RBBP8: variants seen among roughly 807,000 people sequenced by gnomAD.
RBBP8 encodes RB binding protein 8, endonuclease.
A neutral mutation model predicts 108.3 loss-of-function variants in RBBP8; 88 were observed. That is an observed-to-expected ratio of 0.81 (90% CI 0.68 to 0.97). The LOEUF is 0.97. Among genes scored for constraint, RBBP8 ranks in the 50% least tolerant of loss-of-function variants. The pLI is 0.00. For synonymous variants in RBBP8, 332 were observed against 348.2 expected, an observed-to-expected ratio of 0.95 and a Z score of 0.52; for missense variants, 1,023 against 1,049.0, an observed-to-expected ratio of 0.98 and a Z score of 0.34.
chr18:22,928,666 C>A (rs1316711021), upstream of RBBP8, among the ~76,000 whole-genome samples: 1 of 148,624 alleles, frequency 6.7e-6, no homozygotes, highest in Non-Finnish European at 1.5e-5. Flanking sequence ...TAGGCAATAG[C>A]CTTTTTTTCT....
intron 14 of RBBP8, 43 bp downstream of exon 14, chr18:22,997,777 T>G (rs2045886049): frequency 7.4e-7 from 1 of 1,350,110 alleles, no homozygotes; most frequent in Non-Finnish European, 1.0e-6. Context: ...AATAACGTTG[T>G]GTGAAGTTTG....
At chr18:22,914,456 G>A (rs954661721) in intron 1 of RBBP8, 8 of 151,990 alleles carry the variant, frequency 5.3e-5, no homozygotes, top group East Asian at 3.8e-4. Flanking sequence ...TAACACTTGC[G>A]TTATGTTCAT....
intron 12 of RBBP8, among the ~76,000 whole-genome samples, chr18:22,994,178 C>T (rs1023655676): frequency 1.0e-4 from 15 of 148,716 alleles, no homozygotes; most frequent in African/African-American, 3.2e-4. Context: ...CCACCATGCC[C>T]GGCTAATTTT....
At chr18:22,954,930 A>C (rs1912380107) in intron 4 of RBBP8, among the ~76,000 whole-genome samples, 3 of 152,088 alleles carry the variant, frequency 2.0e-5, no homozygotes, top group Admixed American at 2.0e-4. Context: ...TGATTCAGTT[A>C]CCTCCTACCA....
intron 2 of RBBP8, among the ~76,000 whole-genome samples, chr18:22,945,673 C>T (rs1416242154): frequency 2.0e-5 from 3 of 152,080 alleles, no homozygotes; most frequent in East Asian, 1.9e-4. Context: ...CATGAATCAC[C>T]GTGCCCAGCC....
chr18:22,918,007 A>AC (rs1040937906), intron 3 of RBBP8, among the ~76,000 whole-genome samples: 1 of 151,920 alleles, frequency 6.6e-6, no homozygotes, highest in Non-Finnish European at 1.5e-5. Flanking sequence ...CAAAAAAAAA[A>AC]AAAAAAACAT....
chr18:22,973,088 T>C (rs2144613982), intron 5 of RBBP8, among the ~76,000 whole-genome samples: 1 of 152,338 alleles, frequency 6.6e-6, no homozygotes, highest in Non-Finnish European at 1.5e-5. Flanking sequence ...CTTTTAGAGA[T>C]CTATCCTCAT....
chr18:23,000,754 A>G (rs1237675433), intron 14 of RBBP8, among the ~76,000 whole-genome samples: 2 of 152,050 alleles, frequency 1.3e-5, no homozygotes, highest in Non-Finnish European at 2.9e-5. Context: ...AAAAAAAAAA[A>G]AGCATGAGTA....
intron 4 of RBBP8, among the ~76,000 whole-genome samples, chr18:22,967,556 C>T (rs530375081): frequency 6.6e-6 from 1 of 151,994 alleles, no homozygotes; most frequent in African/African-American, 2.4e-5. Flanking sequence ...CTATTATTAA[C>T]ATTTTGGAAT....
At chr18:22,955,830 T>C (rs1273653708) in intron 4 of RBBP8, among the ~76,000 whole-genome samples, 1 of 152,194 alleles carries the variant, frequency 6.6e-6, no homozygotes, top group Non-Finnish European at 1.5e-5. Context: ...TCTGCCCACC[T>C]GGGCCTCCCA....
chr18:22,989,356 T>G (rs749926963), intron 9 of RBBP8, 38 bp downstream of exon 9: 1 of 1,389,916 alleles, frequency 7.2e-7, no homozygotes, highest in Admixed American at 1.7e-5. Flanking sequence ...CATGAATTAA[T>G]TTTATGTCTT....
chr18:22,992,169 G>T, intron 10 of RBBP8, among the ~76,000 whole-genome samples: 1 of 152,030 alleles, frequency 6.6e-6, no homozygotes, highest in East Asian at 1.9e-4. Context: ...ATCAAATGTC[G>T]TAACAAAAGA....
intron 17 of RBBP8, among the ~76,000 whole-genome samples, chr18:23,020,317 A>C (rs1598752224): frequency 6.6e-6 from 1 of 152,084 alleles, no homozygotes; most frequent in East Asian, 2.0e-4. Flanking sequence ...GCTACTCTGG[A>C]GGCTGAGGCA....
At chr18:22,970,938 C>T (rs143739446) in intron 5 of RBBP8, among the ~76,000 whole-genome samples, 20 of 152,156 alleles carry the variant, frequency 1.3e-4, no homozygotes, top group Middle Eastern at 6.8e-3. Flanking sequence ...AATACACACA[C>T]GTAAATTTGC....
At chr18:23,015,900 T>G (rs1239155122) in intron 16 of RBBP8, among the ~76,000 whole-genome samples, 1 of 152,008 alleles carries the variant, frequency 6.6e-6, no homozygotes, top group African/African-American at 2.4e-5. Flanking sequence ...CGCCAGCTTG[T>G]TTTTGTTTTT....
chr18:23,007,974 G>T (rs2046087570), intron 16 of RBBP8, among the ~76,000 whole-genome samples: 2 of 151,676 alleles, frequency 1.3e-5, no homozygotes, highest in Admixed American at 6.6e-5. Flanking sequence ...CACAACACCT[G>T]GCTAATTTTT....
chr18:22,967,097 CG>C, intron 4 of RBBP8, among the ~76,000 whole-genome samples: 1 of 152,068 alleles, frequency 6.6e-6, no homozygotes, highest in Non-Finnish European at 1.5e-5. Flanking sequence ...CCAGGTGCAG[CG>C]GCTCACGCCT....
At chr18:22,933,638 G>A (rs1349421050) in intron 1 of RBBP8, 74 bp downstream of exon 1, 1 of 152,868 alleles carries the variant, frequency 6.5e-6, no homozygotes, top group Non-Finnish European at 1.5e-5. Flanking sequence ...GGAGCTGCGT[G>A]CTTGGCGAAG....
intron 5 of RBBP8, among the ~76,000 whole-genome samples, chr18:22,974,675 G>A (rs111275784): frequency 1.8e-4 from 28 of 152,248 alleles, no homozygotes; most frequent in African/African-American, 6.7e-4. Flanking sequence ...GGCCAGGCTG[G>A]TCTCGAACTC....
Sources: allele counts gnomAD v4.1 joint callset (sites outside exome capture counted in the v4.1 genomes callset), GRCh38; gene constraint gnomAD v4.1.1; transcripts MANE v1.5; gene names NCBI Gene and HGNC (gene_info 2026-07-23, HGNC 2026-07-21).